ZBTB7A: variants seen among roughly 807,000 people sequenced by gnomAD.
The protein encoded by ZBTB7A is zinc finger and BTB domain containing 7A.
Under a neutral mutation model 26.7 loss-of-function variants are expected in ZBTB7A, and 7 were observed. The ratio of observed to expected loss-of-function variants is 0.26; its 90% CI spans 0.15 to 0.49. The LOEUF (loss-of-function observed/expected upper bound fraction) is 0.49, where lower values mean the gene tolerates loss of function less well. ZBTB7A is among the 20% of genes least tolerant of loss of function. The probability of loss-of-function intolerance (pLI) is 0.98; values close to 1 mark genes in which losing one functional copy is unlikely to be tolerated. For missense variants in ZBTB7A, 617 were observed against 919.5 expected (o/e 0.67, Z 4.25); for synonymous variants, 452 against 441.0 (o/e 1.02, Z -0.31).
chr19:4,054,136 G>T lies in ZBTB7A; in HGVS notation c.1097C>A (p.Pro366Gln). The change falls in exon 2 of 3, where the codon CCG becomes CAG. Residue 366 changes from proline to glutamine, a missense_variant. By Grantham distance (76) the Pro-to-Gln change is moderately conservative. Around this residue, in one of 5 missense-constraint regions of ZBTB7A, gnomAD observed 331 missense variants for 391.3 expected, o/e 0.85. Transcript: ENST00000322357. ...FSGAHDGDVY[P>Q]AWSQKVEKKI... is the part of the protein sequence containing the mutation. ...CTTCTCCACCTTCTGCGACCAGGCC[G>T]GGTAGACGTCGCCGTCGTGGGCGCC... The T allele has an allele frequency of 6.2e-7, 1 of 1,605,778 alleles. No homozygotes were observed. The highest frequency in any genetic ancestry group is 8.5e-7 in the Non-Finnish European group (1 of 1,179,816).
In ZBTB7A at chr19:4,047,407, CG is replaced by C. The variant is rs1186277639; in HGVS notation, c.*344del. 1.3e-5 allele frequency: 2 copies of C among 154,444 alleles called. No homozygotes were observed. Among genetic ancestry groups the C allele is most frequent in the Non-Finnish European group, 2.9e-5 (2 of 69,450 alleles). 9.6% of individuals were successfully genotyped at this position (154,444 alleles called of 1,614,324 possible). The stretch of plus-strand genomic sequence containing the variant: ...TCGGATCGGGCCCCAGGCCCCATGC[CG>C]GGTGCCCAGGGGGCTGTGCGGGGTC... On this transcript the variant is annotated 3_prime_UTR_variant, in exon 3 of 3. Coordinates refer to ENST00000322357, the MANE Select transcript of ZBTB7A (RefSeq NM_015898.4).
chr19:4,055,620 A>C (rs2040569611), intron 1 of ZBTB7A: 4 of 267,114 alleles, frequency 1.5e-5, no homozygotes, highest in Admixed American at 6.5e-5. Context: ...CAGGGGATGG[A>C]GACCATCCTG....
chr19:4,053,181 C>T (rs74178436), intron 2 of ZBTB7A, among the ~76,000 whole-genome samples: 3,533 of 152,330 alleles, frequency 0.023, 66 homozygotes, highest in Middle Eastern at 0.082. Context: ...GCCCACCTCC[C>T]GCAGCTCAAC....
In ZBTB7A at chr19:4,053,835, CTGTGTGCACGTGCGTGTA is replaced by C. The variant is rs2040535446; in HGVS notation, c.1262+118_1262+135del. ...TGCATGTGTCTGTGCGTGTACGTGTCTGTGTGCACGTGCGTGTATGTGTGCGTCTGCGTGCATGTGTGC... is the reference window on the plus strand; with the variant it reads ...TGCATGTGTCTGTGCGTGTACGTGTCTGTGTGCGTCTGCGTGCATGTGTGC... On this transcript the variant is annotated intron_variant, in intron 2 of 2. Coordinates refer to ENST00000322357, the MANE Select transcript of ZBTB7A (RefSeq NM_015898.4). 4.0e-6 allele frequency: 4 copies of C among 991,848 alleles called. No homozygotes were observed. In the South Asian group the frequency reaches 4.9e-5, roughly 12 times the overall value. The allele number at this position is 991,848 out of a possible 1,614,324, so 61.4% of individuals were successfully genotyped here.
Position 4,047,973 on chromosome 19 carries a change from G to T in ZBTB7A, c.1534C>A (p.Pro512Thr). The T allele has an allele frequency of 8.1e-7, 1 of 1,239,742 alleles. No individual in the cohort carries two copies. The allele number at this position is 1,239,742 out of a possible 1,614,324, so 76.8% of individuals were successfully genotyped here. The change falls in exon 3 of 3, where the codon CCG (proline) becomes ACG (threonine). Residue 512 changes from proline (P) to threonine (T), a missense_variant. Physicochemically the swap from Pro to Thr is conservative, Grantham distance 38. Coordinates refer to ENST00000322357, the MANE Select transcript of ZBTB7A (RefSeq NM_015898.4). ...RVRGGAPDPS[P>T]GATATPGAPA... The stretch of plus-strand genomic sequence containing the variant: ...GCGCCGGGGGTCGCGGTGGCCCCCG[G>T]GCTGGGGTCGGGCGCCCCGCCCCGG...
chr19:4,060,944 G>A (rs1324379302), intron 1 of ZBTB7A, among the ~76,000 whole-genome samples: 1 of 152,168 alleles, frequency 6.6e-6, no homozygotes, highest in Admixed American at 6.5e-5. Flanking sequence ...GCTGTGCAGA[G>A]CAGCTCGGGT....
At chr19:4,066,037 G>A (rs2040692946) in intron 1 of ZBTB7A, among the ~76,000 whole-genome samples, 1 of 149,494 alleles carries the variant, frequency 6.7e-6, no homozygotes, top group African/African-American at 2.4e-5. Flanking sequence ...TGTCGGCGCG[G>A]GGCACCCTGG....
intron 1 of ZBTB7A, among the ~76,000 whole-genome samples, chr19:4,056,165 T>C (rs574842307): frequency 2.0e-5 from 3 of 151,464 alleles, no homozygotes; most frequent in Admixed American, 6.6e-5. Flanking sequence ...CAATCAGGTG[T>C]CCCACTCCCA....
At chr19:4,060,671 G>T (rs1350893062) in intron 1 of ZBTB7A, among the ~76,000 whole-genome samples, 1 of 152,216 alleles carries the variant, frequency 6.6e-6, no homozygotes, top group Non-Finnish European at 1.5e-5. Context: ...GGAGCATCAG[G>T]AACTGAGGCC....
At chr19:4,063,804 C>A (rs577765114) in intron 1 of ZBTB7A, among the ~76,000 whole-genome samples, 1 of 152,186 alleles carries the variant, frequency 6.6e-6, no homozygotes, top group Non-Finnish European at 1.5e-5. Context: ...GACCTTGGGC[C>A]GCTCTCTGCT....
chr19:4,065,260 G>A (rs985408260), intron 1 of ZBTB7A, among the ~76,000 whole-genome samples: 71 of 150,308 alleles, frequency 4.7e-4, no homozygotes, highest in African/African-American at 1.6e-3. Context: ...GCGGGTCGGA[G>A]CCGGACGGCC....
In ZBTB7A at chr19:4,054,309, C is replaced by G; in HGVS notation, c.924G>C (p.Gly308=). 6.5e-7 allele frequency: 1 copy of G among 1,527,998 alleles called. No homozygotes were observed. The highest frequency in any genetic ancestry group is 1.2e-5 in the South Asian group (1 of 84,060). The allele number at this position is 1,527,998 out of a possible 1,614,324, so 94.7% of individuals were successfully genotyped here. Residue 308 remains glycine (G), a synonymous_variant, in exon 2 of 3, where the codon GGG becomes GGC. Transcript: ENST00000322357. ...SGAAEGEDGD[G]PDVDGLAAST... is the part of the protein sequence containing the mutation. ...TGGCCGCCAGCCCGTCCACGTCGGG[C>G]CCGTCCCCGTCCTCGCCCTCGGCCG... is the stretch of plus-strand genomic sequence containing the variant.
At chr19:4,053,736 ATG>A (rs1165014589) in intron 2 of ZBTB7A, among the ~76,000 whole-genome samples, 26 of 148,564 alleles carry the variant, frequency 1.8e-4, no homozygotes, top group Admixed American at 1.5e-3. Context: ...GCGTCTGTGC[ATG>A]TGTGTGCATG....
rs763235683 is a variant in ZBTB7A at position 4,047,801 on chromosome 19, C to A, written c.1706G>T (p.Gly569Val). ...AGAGGGGDSG[G>V]GPGAATDGNF... ...ACCGTCGGTGGCGGCCCCGGGGCCA[C>A]CTCCGCTGTCACCTCCTCCACCGGC... Residue 569 changes from glycine to valine, a missense_variant, in exon 3 of 3, where the codon GGT becomes GTT. Physicochemically the swap from Gly to Val is moderately radical, Grantham distance 109. Transcript: ENST00000322357. The A allele has an allele frequency of 4.4e-5, 70 of 1,602,988 alleles. No individual in the cohort carries two copies. Among genetic ancestry groups the A allele is most frequent in the Non-Finnish European group, 5.4e-5 (64 of 1,175,530 alleles).
chr19:4,049,166 G>GTGTGTGTGTATA (rs1599249273), intron 2 of ZBTB7A, among the ~76,000 whole-genome samples: 1 of 13,476 alleles, frequency 7.4e-5, no homozygotes, highest in Non-Finnish European at 1.5e-4. Context: ...GTGTGTGTGT[G>GTGTGTGTGTATA]TGTATATATA....
intron 1 of ZBTB7A, among the ~76,000 whole-genome samples, chr19:4,059,978 GC>G (rs2040622398): frequency 6.6e-6 from 1 of 152,054 alleles, no homozygotes; most frequent in Admixed American, 6.5e-5. Flanking sequence ...CCTCCAGGAA[GC>G]CCCGGCCCCA....
At chr19:4,060,390 G>C (rs1011124822) in intron 1 of ZBTB7A, among the ~76,000 whole-genome samples, 2 of 152,186 alleles carry the variant, frequency 1.3e-5, no homozygotes, top group South Asian at 4.1e-4. Context: ...AGTGTTTGTC[G>C]AGAGCCACGG....
chr19:4,053,869 G>C, intron 2 of ZBTB7A, 102 bp downstream of exon 2: 1 of 1,361,702 alleles, frequency 7.3e-7, no homozygotes, highest in Middle Eastern at 2.6e-4. Context: ...GCGTCTGCGT[G>C]CATGTGTGCG....
chr19:4,049,726 C>T lies in ZBTB7A; in HGVS notation c.1263-1482G>A, dbSNP rs552770650. On this transcript the variant is annotated intron_variant, in intron 2 of 2. Coordinates refer to ENST00000322357, the MANE Select transcript of ZBTB7A (RefSeq NM_015898.4). ...ACTGCCCACTCTCCCCTCACTTCAG[C>T]GTCACTCCCCTATCTGGGCTCCACC... Among the ~76,000 whole-genome samples, 16 of 152,300 alleles carry T rather than the reference C, an allele frequency of 1.1e-4. No homozygotes were observed. In the South Asian group the frequency reaches 3.1e-3, roughly 30 times the overall value.
Sources: allele counts gnomAD v4.1 joint callset (sites outside exome capture counted in the v4.1 genomes callset), GRCh38; gene constraint gnomAD v4.1.1; regional missense constraint gnomAD v4.1.1; transcripts MANE v1.5; gene names NCBI Gene and HGNC (gene_info 2026-07-23, HGNC 2026-07-21).